Variants in TNFAIP8 observed in about 807,000 individuals in gnomAD.
The protein encoded by TNFAIP8 is TNF alpha induced protein 8, also known as tumor necrosis factor alpha-induced protein 8.
A neutral mutation model predicts 13.3 loss-of-function variants in TNFAIP8; 7 were observed. The observed-to-expected ratio is 0.52, with a 90% CI of 0.30 to 0.99. TNFAIP8 has a LOEUF of 0.99. Among genes scored for constraint, TNFAIP8 ranks in the 50% least tolerant of loss-of-function variants. TNFAIP8 has a pLI of 0.07. For synonymous variants in TNFAIP8, 94 were observed against 87.6 expected (o/e 1.07, Z -0.41); for missense variants, 258 against 236.9 (o/e 1.09, Z -0.58).
chr5:119,350,042 A>T (rs779109730), intron 1 of TNFAIP8, among the ~76,000 whole-genome samples: 1 of 152,230 alleles, frequency 6.6e-6, no homozygotes, highest in Non-Finnish European at 1.5e-5. Flanking sequence ...CTTTAATTAC[A>T]TATCTGTAAA....
chr5:119,294,202 C>CAACCCA (rs1561986778), intron 1 of TNFAIP8, among the ~76,000 whole-genome samples: 57 of 148,706 alleles, frequency 3.8e-4, no homozygotes, highest in African/African-American at 1.4e-3. Flanking sequence ...CCCCCTCCCC[C>CAACCCA]CAACCCACAA....
In TNFAIP8 at chr5:119,374,384, C is replaced by T. The variant is rs115156667; in HGVS notation, c.31+18263C>T. On this transcript the variant is annotated intron_variant, in intron 1 of 1. Transcript: ENST00000504771. The stretch of plus-strand genomic sequence containing the variant: ...TAAATTTGAGATGCTCAACCTGTAC[C>T]GATAGTAAATAGAAAACAAGGCAAG... 2.0e-3 allele frequency among the ~76,000 whole-genome samples: 297 copies of T among 152,088 alleles called. 1 individual carries two copies. The highest frequency in any genetic ancestry group is 6.8e-3 in the African/African-American group (284 of 41,464).
chr5:119,322,111 T>C (rs1750075390), intron 1 of TNFAIP8, among the ~76,000 whole-genome samples: 1 of 152,180 alleles, frequency 6.6e-6, no homozygotes, highest in Non-Finnish European at 1.5e-5. Flanking sequence ...TGCTCAGATG[T>C]TACCCCAGGA....
intron 1 of TNFAIP8, among the ~76,000 whole-genome samples, chr5:119,293,379 T>G (rs1749058247): frequency 6.6e-6 from 1 of 152,194 alleles, no homozygotes; most frequent in Non-Finnish European, 1.5e-5. Flanking sequence ...CAACCTCTAG[T>G]CACCTCCATT....
intron 1 of TNFAIP8, among the ~76,000 whole-genome samples, chr5:119,362,403 C>T (rs1467710960): frequency 6.6e-6 from 1 of 152,060 alleles, no homozygotes; most frequent in African/African-American, 2.4e-5. Context: ...GAGATAAGAC[C>T]CTGTGAGTCA....
intron 1 of TNFAIP8, among the ~76,000 whole-genome samples, chr5:119,376,122 T>C (rs1189359550): frequency 2.2e-5 from 3 of 138,776 alleles, no homozygotes; most frequent in African/African-American, 8.3e-5. Flanking sequence ...TTCTTTTTTG[T>C]TTTTTTTTTT....
At chr5:119,338,079 A>C (rs956089534) in intron 1 of TNFAIP8, among the ~76,000 whole-genome samples, 1 of 151,602 alleles carries the variant, frequency 6.6e-6, no homozygotes, top group South Asian at 2.1e-4. Context: ...GCTCCTCACC[A>C]CACCTTCAGC....
At position 119,346,597 on chromosome 5, in the gene TNFAIP8, A is replaced by G. The variant is rs559802793; in HGVS notation, c.2-46219A>G. Among the ~76,000 whole-genome samples the G allele has an allele frequency of 7.9e-5, 12 of 152,346 alleles. No homozygotes were observed. In the South Asian group the frequency reaches 2.5e-3, roughly 32 times the overall value. Reference sequence around the variant, plus strand: ...CCAATACCCTAATTTCCTGTTCCACATCACATTTCAACTAATACTTGCCTT... The same window carrying G: ...CCAATACCCTAATTTCCTGTTCCACGTCACATTTCAACTAATACTTGCCTT... On this transcript the variant is annotated intron_variant, in intron 1 of 1. Transcript: ENST00000274456.
rs192875467 is a variant in TNFAIP8, at chr5:119,356,081, T to G, written c.-10T>G. 5.3e-3 allele frequency: 8,435 copies of G among 1,584,616 alleles called. 31 individuals are homozygous for G. Among genetic ancestry groups the G allele is most frequent in the Non-Finnish European group, 6.2e-3 (7,212 of 1,164,298 alleles). On this transcript the variant is annotated 5_prime_UTR_variant, in exon 1 of 2. Transcript: ENST00000504771. The stretch of plus-strand genomic sequence containing the variant: ...CGGTAATCGCCCCTGCAGCTGGTTA[T>G]CCTGACATTATGCACTCCGAAGCAG...
chr5:119,342,461 G>A (rs1458005006), intron 1 of TNFAIP8, among the ~76,000 whole-genome samples: 1 of 152,140 alleles, frequency 6.6e-6, no homozygotes, highest in Non-Finnish European at 1.5e-5. Context: ...GAGAGTTATG[G>A]GAATGTCATA....
chr5:119,305,725 T>G (rs1472715687), intron 1 of TNFAIP8, among the ~76,000 whole-genome samples: 1 of 152,228 alleles, frequency 6.6e-6, no homozygotes, highest in Non-Finnish European at 1.5e-5. Flanking sequence ...AAATGACACA[T>G]TACAAATACC....
At chr5:119,355,066 G>C, upstream of TNFAIP8, 1 of 450,124 alleles carries the variant, frequency 2.2e-6, no homozygotes, top group Middle Eastern at 6.1e-4. Context: ...GAAAACCAAG[G>C]CTCCACAGAG....
chr5:119,320,873 T>C lies in TNFAIP8; in HGVS notation c.1+51966T>C, dbSNP rs563563155. On this transcript the variant is annotated intron_variant, in intron 1 of 1. Coordinates refer to the TNFAIP8 transcript ENST00000274456. ...TCTTCATACTACACTGTCTCTAGGG[T>C]TCTTAACCTGCTAAAAAAAAAACAA... 2.7e-5 allele frequency among the ~76,000 whole-genome samples: 4 copies of C among 150,124 alleles called. No individual in the cohort carries two copies. The South Asian group carries it at 8.4e-4, about 32-fold the overall frequency.
chr5:119,317,171 G>C (rs547055037), intron 1 of TNFAIP8, among the ~76,000 whole-genome samples: 4 of 152,200 alleles, frequency 2.6e-5, no homozygotes, highest in Admixed American at 6.5e-5. Flanking sequence ...CTTGTGGCTG[G>C]TGCACCTCCT....
chr5:119,290,677 G>A (rs553406323), intron 1 of TNFAIP8, among the ~76,000 whole-genome samples: 44 of 152,314 alleles, frequency 2.9e-4, no homozygotes, highest in Middle Eastern at 6.8e-3. Flanking sequence ...GCATCTTGGA[G>A]ACTGGCTGTA....
At chr5:119,364,773 C>G (rs1226154784) in intron 1 of TNFAIP8, among the ~76,000 whole-genome samples, 1 of 150,836 alleles carries the variant, frequency 6.6e-6, no homozygotes, top group Non-Finnish European at 1.5e-5. Flanking sequence ...TGGGGGAAAG[C>G]TTTGGCCACT....
intron 1 of TNFAIP8, among the ~76,000 whole-genome samples, chr5:119,290,797 G>T (rs755426291): frequency 1.7e-4 from 26 of 152,238 alleles, no homozygotes; most frequent in South Asian, 4.1e-4. Flanking sequence ...TGAGGGAAAG[G>T]GTGTTGGCTG....
At chr5:119,281,775 A>C (rs73248910) in intron 1 of TNFAIP8, among the ~76,000 whole-genome samples, 2,872 of 152,280 alleles carry the variant, frequency 0.019, 57 homozygotes, top group African/African-American at 0.052. Flanking sequence ...ACTTGTCCTC[A>C]TATCAGTGTC....
chr5:119,283,319 A>G (rs959389964), intron 1 of TNFAIP8, among the ~76,000 whole-genome samples: 2 of 152,192 alleles, frequency 1.3e-5, no homozygotes, highest in African/African-American at 4.8e-5. Context: ...TCATTCTACA[A>G]AAACAATGAT....
Sources: allele counts gnomAD v4.1 joint callset (sites outside exome capture counted in the v4.1 genomes callset), GRCh38; gene constraint gnomAD v4.1.1; transcripts MANE v1.5; gene names NCBI Gene and HGNC (gene_info 2026-07-23, HGNC 2026-07-21).